The following TMPRSS9 variants were observed in gnomAD, a reference collection of about 807,000 sequenced individuals.
TMPRSS9 encodes the protein transmembrane protease serine 9.
Under a neutral mutation model 111.4 loss-of-function variants are expected in TMPRSS9, and 113 were observed. The ratio of observed to expected loss-of-function variants is 1.01; its 90% CI spans 0.87 to 1.19. TMPRSS9 has a LOEUF of 1.19. Among genes scored for constraint, TMPRSS9 ranks in the 50% most tolerant of loss-of-function variants. The pLI is 0.00. For synonymous variants in TMPRSS9, 805 were observed against 659.1 expected, an observed-to-expected ratio of 1.22 and a Z score of -3.39; for missense variants, 1,803 against 1,513.1, an observed-to-expected ratio of 1.19 and a Z score of -3.18.
chr19:2,395,939 C>T (rs1234113411), intron 1 of TMPRSS9, among the ~76,000 whole-genome samples: 6 of 152,062 alleles, frequency 3.9e-5, no homozygotes, highest in African/African-American at 1.2e-4. Context: ...ACCCGGGAGG[C>T]GCAGCTTGCA....
chr19:2,388,285 C>A (rs534306158), upstream of TMPRSS9, among the ~76,000 whole-genome samples: 1 of 151,942 alleles, frequency 6.6e-6, no homozygotes, highest in Admixed American at 6.6e-5. Context: ...TACTAGGAGG[C>A]GGAGGTGGGA....
At chr19:2,405,877 T>C (rs1318252058) in intron 7 of TMPRSS9, among the ~76,000 whole-genome samples, 5 of 139,666 alleles carry the variant, frequency 3.6e-5, no homozygotes, top group African/African-American at 1.3e-4. Context: ...GTTGTATTTT[T>C]AGTAGAGACG....
At position 2,418,156 on chromosome 19, in the gene TMPRSS9, G is replaced by T. The variant is rs1156661751; in HGVS notation, c.2154+18G>T. ...CCTGCCAGGTAAGCATTCAAAGGGG[G>T]AAAGCGGGCAATATTTCCATGAAAT... On this transcript the variant is annotated intron_variant, in intron 13 of 17. Transcript: ENST00000648592. 1 of 1,594,226 alleles carries T rather than the reference G, an allele frequency of 6.3e-7. No homozygotes were observed. Among genetic ancestry groups the T allele is most frequent in the Admixed American group, 1.7e-5 (1 of 58,924 alleles).
At chr19:2,362,223 TG>T in intron 1 of TMPRSS9, among the ~76,000 whole-genome samples, 1 of 151,914 alleles carries the variant, frequency 6.6e-6, no homozygotes, top group Non-Finnish European at 1.5e-5. Context: ...TGTGGTCGGG[TG>T]GGATCGTATA....
intron 13 of TMPRSS9, 152 bp from the exon 15 acceptor site, chr19:2,421,702 T>C (rs902086125): frequency 2.9e-6 from 2 of 690,252 alleles, no homozygotes; most frequent in Non-Finnish European, 4.7e-6. Flanking sequence ...CAGCCAGGCA[T>C]GGGGCTGCAG....
At chr19:2,419,668 C>T (rs1299611982) in intron 13 of TMPRSS9, among the ~76,000 whole-genome samples, 3 of 152,014 alleles carry the variant, frequency 2.0e-5, no homozygotes, top group East Asian at 1.9e-4. Flanking sequence ...AGGCATGTGC[C>T]TCCACGTCCA....
chr19:2,374,345 G>C (rs1324756850), intron 1 of TMPRSS9, among the ~76,000 whole-genome samples: 1 of 142,846 alleles, frequency 7.0e-6, no homozygotes, highest in Non-Finnish European at 1.5e-5. Context: ...GGCCGAGGCC[G>C]GTGGATCACC....
chr19:2,368,187 C>A (rs565678202), intron 1 of TMPRSS9, among the ~76,000 whole-genome samples: 1 of 152,094 alleles, frequency 6.6e-6, no homozygotes, highest in African/African-American at 2.4e-5. Flanking sequence ...CTGCACATGG[C>A]GGCTGCGTTT....
chr19:2,386,924 G>A (rs754869069), upstream of TMPRSS9, among the ~76,000 whole-genome samples: 5 of 151,868 alleles, frequency 3.3e-5, no homozygotes, highest in Non-Finnish European at 5.9e-5. Flanking sequence ...CCTGAGAGGC[G>A]GAGCTTGTAG....
At chr19:2,385,445 C>T (rs372762946), upstream of TMPRSS9, among the ~76,000 whole-genome samples, 1 of 152,102 alleles carries the variant, frequency 6.6e-6, no homozygotes. Flanking sequence ...GCGGTGTTGC[C>T]GTTGCACATG....
At chr19:2,372,242 A>T (rs1970297393) in intron 1 of TMPRSS9, among the ~76,000 whole-genome samples, 1 of 152,084 alleles carries the variant, frequency 6.6e-6, no homozygotes, top group African/African-American at 2.4e-5. Context: ...CCTGTCACGC[A>T]GGCGGGCGAG....
intron 1 of TMPRSS9, among the ~76,000 whole-genome samples, chr19:2,360,798 T>C (rs1483538410): frequency 6.7e-6 from 1 of 150,066 alleles, no homozygotes; most frequent in African/African-American, 2.5e-5. Flanking sequence ...GCACGTAGGG[T>C]TGTGTGGACG....
chr19:2,365,911 C>T (rs1046797425), intron 1 of TMPRSS9, among the ~76,000 whole-genome samples: 2 of 152,058 alleles, frequency 1.3e-5, no homozygotes, highest in Non-Finnish European at 2.9e-5. Flanking sequence ...CTGCAGTGAG[C>T]TGTGATAACA....
Position 2,425,504 on chromosome 19 carries a change from C to G in TMPRSS9, c.3120+11C>G, listed in dbSNP as rs771348048. 3.2e-6 allele frequency: 5 copies of G among 1,561,606 alleles called. No individual in the cohort carries two copies. The highest frequency in any genetic ancestry group is 3.7e-5 in the Admixed American group (2 of 53,836). ...GTGGACAGCTGCTCGGTGAGCCCCG[C>G]CCCGGCCCAGGGGACCAGGTCCCGC... On this transcript the variant is annotated intron_variant, in intron 17 of 17. Transcript: ENST00000648592.
chr19:2,363,823 T>TGA (rs796275292), intron 1 of TMPRSS9, among the ~76,000 whole-genome samples: 42 of 107,044 alleles, frequency 3.9e-4, no homozygotes, highest in African/African-American at 7.8e-4. Context: ...CGTGTGTGTG[T>TGA]GAGAGAGAGA....
At chr19:2,399,229 G>T in intron 4 of TMPRSS9, 36 bp downstream of exon 5, 1 of 1,544,106 alleles carries the variant, frequency 6.5e-7, no homozygotes. Context: ...CCCATCACGA[G>T]GAGGCTGGAG....
intron 1 of TMPRSS9, among the ~76,000 whole-genome samples, chr19:2,370,686 A>G (rs1970282209): frequency 6.6e-6 from 1 of 152,070 alleles, no homozygotes; most frequent in African/African-American, 2.4e-5. Flanking sequence ...TTCACCCAGG[A>G]TGAATCCAGC....
intron 1 of TMPRSS9, among the ~76,000 whole-genome samples, chr19:2,393,047 TCTCTGTAAAATGGACCAATCAGCG>T (rs1254021037): frequency 6.6e-6 from 1 of 152,068 alleles, no homozygotes; most frequent in Non-Finnish European, 1.5e-5. Context: ...ACCAGTCAGC[TCTCTGTAAAATGGACCAATCAGCG>T]CTCTGTAAAA....
intron 9 of TMPRSS9, among the ~76,000 whole-genome samples, chr19:2,412,079 T>C (rs929032099): frequency 2.6e-5 from 4 of 152,070 alleles, no homozygotes; most frequent in Admixed American, 2.0e-4. Context: ...TTCATGGAGA[T>C]TGGAATCCCT....
Sources: allele counts gnomAD v4.1 joint callset (sites outside exome capture counted in the v4.1 genomes callset), GRCh38; gene constraint gnomAD v4.1.1; transcripts MANE v1.5; gene names NCBI Gene and HGNC (gene_info 2026-07-23, HGNC 2026-07-21).